C1orf21: variants seen among roughly 807,000 people sequenced by gnomAD.
C1orf21 encodes uncharacterized protein C1orf21.
A neutral mutation model predicts 18.7 loss-of-function variants in C1orf21; 3 were observed. The ratio of observed to expected loss-of-function variants is 0.16; its 90% CI spans 0.07 to 0.42. C1orf21 has a LOEUF of 0.42. C1orf21 is among the 10% of genes least tolerant of loss of function. The pLI, the probability that C1orf21 is intolerant of heterozygous loss-of-function variation, is 0.99. For synonymous variants in C1orf21, 41 were observed against 46.4 expected, an observed-to-expected ratio of 0.88 and a Z score of 0.47; for missense variants, 104 against 143.6, an observed-to-expected ratio of 0.72 and a Z score of 1.41.
At chr1:184,592,183 A>T (rs1659447718) in intron 4 of C1orf21, 1 of 152,184 alleles carries the variant, frequency 6.6e-6, no homozygotes, top group Non-Finnish European at 1.5e-5. Context: ...TTATTTTGCA[A>T]AAAAAATGTA....
At position 184,619,608 on chromosome 1, in the gene C1orf21, C is replaced by A. The variant is rs775795914; in HGVS notation, c.*52C>A. 8.4e-6 allele frequency: 13 copies of A among 1,553,888 alleles called. No homozygotes were observed. In the Admixed American group the frequency reaches 1.8e-4, roughly 22 times the overall value. On this transcript the variant is annotated 3_prime_UTR_variant, in exon 6 of 6. Coordinates refer to ENST00000235307, the MANE Select transcript of C1orf21 (RefSeq NM_030806.4). ...GCTACTACTGTGTAAATAGGTTACA[C>A]CCCAGTTGAAATCTTTGCAAAGGTC...
chr1:184,522,927 A>G lies in C1orf21; in HGVS notation c.189+15245A>G, dbSNP rs372139809. Among the ~76,000 whole-genome samples the G allele has an allele frequency of 4.6e-5, 7 of 152,278 alleles. No homozygotes were observed. The East Asian group carries it at 9.7e-4, about 21-fold the overall frequency. The stretch of plus-strand genomic sequence containing the variant: ...GGTCTTGAACTCTTGAGCTCAAGCA[A>G]TCCACCTGCCTCGGCCTCCCAAAGT... On this transcript the variant is annotated intron_variant, in intron 3 of 5. Transcript: ENST00000235307.
chr1:184,556,475 A>C (rs1658881165), intron 3 of C1orf21, among the ~76,000 whole-genome samples: 1 of 152,200 alleles, frequency 6.6e-6, no homozygotes, highest in Admixed American at 6.5e-5. Context: ...GGCCAAGCCA[A>C]AGAATGGGAA....
rs77973290 is a variant in C1orf21 at position 184,467,344 on chromosome 1, A to G, written c.-124-10042A>G. Among the ~76,000 whole-genome samples the G allele has an allele frequency of 1.6e-3, 240 of 152,322 alleles. 8 individuals carry two copies. The East Asian group carries it at 0.04, about 25-fold the overall frequency. The stretch of plus-strand genomic sequence containing the variant: ...AAGGAGACAGACATATAAAAGTGTA[A>G]TAGTTGGAAGATGTGAGCTACATGC... On this transcript the variant is annotated intron_variant, in intron 1 of 5. Coordinates refer to ENST00000235307, the MANE Select transcript of C1orf21 (RefSeq NM_030806.4).
chr1:184,606,864 A>G (rs952248115), intron 5 of C1orf21, among the ~76,000 whole-genome samples: 1 of 152,152 alleles, frequency 6.6e-6, no homozygotes, highest in African/African-American at 2.4e-5. Context: ...GTCTTATCCA[A>G]TTTACCCTCA....
chr1:184,586,554 A>AT (rs1659356935), intron 3 of C1orf21, among the ~76,000 whole-genome samples: 2 of 152,112 alleles, frequency 1.3e-5, no homozygotes, highest in African/African-American at 4.8e-5. Flanking sequence ...AAGTGCTGGG[A>AT]TTACAGGCGT....
At chr1:184,452,024 T>C (rs554617356) in intron 1 of C1orf21, among the ~76,000 whole-genome samples, 30 of 152,330 alleles carry the variant, frequency 2.0e-4, no homozygotes, top group African/African-American at 6.3e-4. Flanking sequence ...GCAAAAAATT[T>C]TGTGACATTG....
chr1:184,526,941 G>C (rs913425356), intron 3 of C1orf21, among the ~76,000 whole-genome samples: 1 of 152,260 alleles, frequency 6.6e-6, no homozygotes, highest in Middle Eastern at 3.4e-3. Flanking sequence ...GAAGGAGGAG[G>C]CAAGCCAGTA....
chr1:184,453,804 A>G (rs1657156781), intron 1 of C1orf21, among the ~76,000 whole-genome samples: 1 of 152,218 alleles, frequency 6.6e-6, no homozygotes, highest in Non-Finnish European at 1.5e-5. Context: ...TTGAGTTAGC[A>G]TATAAGATTG....
intron 1 of C1orf21, among the ~76,000 whole-genome samples, chr1:184,425,185 C>T (rs1465022638): frequency 6.6e-6 from 1 of 152,044 alleles, no homozygotes; most frequent in East Asian, 1.9e-4. Context: ...GCCGTCCTGA[C>T]CTCAGTGTGG....
intron 2 of C1orf21, among the ~76,000 whole-genome samples, chr1:184,480,736 A>T (rs760754581): frequency 5.3e-5 from 8 of 152,150 alleles, no homozygotes; most frequent in Non-Finnish European, 1.2e-4. Context: ...CTTTAAGAGC[A>T]CTGTTTTGCT....
intron 1 of C1orf21, among the ~76,000 whole-genome samples, chr1:184,399,197 A>T (rs974216543): frequency 1.3e-5 from 2 of 152,158 alleles, no homozygotes; most frequent in East Asian, 3.9e-4. Context: ...ATTTGTCTAT[A>T]GGATTCCCTG....
At position 184,577,957 on chromosome 1, in the gene C1orf21, T is replaced by G. The variant is rs1398464389; in HGVS notation, c.190-12782T>G. Among the ~76,000 whole-genome samples the G allele has an allele frequency of 6.2e-5, 9 of 144,374 alleles. No homozygotes were observed. In the South Asian group the frequency reaches 8.8e-4, roughly 14 times the overall value. 94.7% of individuals were successfully genotyped at this position (144,374 alleles called of 152,430 possible). On this transcript the variant is annotated intron_variant, in intron 3 of 5. Coordinates refer to ENST00000235307, the MANE Select transcript of C1orf21 (RefSeq NM_030806.4). ...TTTGTTTTTTGTTTTGTTTTTGTTT[T>G]TTTTTTTTTTTTTTGAGACAGAGTC...
chr1:184,392,462 G>A (rs914244331), intron 1 of C1orf21, among the ~76,000 whole-genome samples: 6 of 152,194 alleles, frequency 3.9e-5, no homozygotes, highest in African/African-American at 1.4e-4. Context: ...GGAGGGCGGC[G>A]AGGGTTGAGA....
At chr1:184,392,819 C>CTTTTTTTTTTTTTTTTTTTTTTT (rs397861528) in intron 1 of C1orf21, among the ~76,000 whole-genome samples, 1 of 96,822 alleles carries the variant, frequency 1.0e-5, no homozygotes, top group Non-Finnish European at 1.9e-5. Flanking sequence ...GACATTCCTC[C>CTTTTTTTTTTTTTTTTTTTTTTT]TTTTTTTTTT....
chr1:184,425,040 C>T (rs1428488853), intron 1 of C1orf21, among the ~76,000 whole-genome samples: 2 of 152,078 alleles, frequency 1.3e-5, no homozygotes, highest in Non-Finnish European at 2.9e-5. Context: ...TGTTAAATGT[C>T]ACACCATTGG....
intron 1 of C1orf21, among the ~76,000 whole-genome samples, chr1:184,447,624 T>C (rs1657054384): frequency 6.6e-6 from 1 of 152,214 alleles, no homozygotes; most frequent in Non-Finnish European, 1.5e-5. Flanking sequence ...CCTAAACATC[T>C]ACATCTAAAT....
chr1:184,391,177 T>C (rs1292799400), intron 1 of C1orf21, among the ~76,000 whole-genome samples: 1 of 152,170 alleles, frequency 6.6e-6, no homozygotes, highest in East Asian at 1.9e-4. Flanking sequence ...ACAAGAGTGG[T>C]TGGAGGTAAA....
chr1:184,441,506 T>G (rs1014580731), intron 1 of C1orf21, among the ~76,000 whole-genome samples: 1 of 152,188 alleles, frequency 6.6e-6, no homozygotes, highest in African/African-American at 2.4e-5. Flanking sequence ...TGCTTTTAAA[T>G]CCAATTCCAA....
Sources: allele counts gnomAD v4.1 joint callset (sites outside exome capture counted in the v4.1 genomes callset), GRCh38; gene constraint gnomAD v4.1.1; transcripts MANE v1.5; gene names NCBI Gene and HGNC (gene_info 2026-07-23, HGNC 2026-07-21).